MTUS2: variants seen among roughly 807,000 people sequenced by gnomAD.
The protein encoded by MTUS2 is microtubule associated scaffold protein 2.
Under a neutral mutation model 114.1 loss-of-function variants are expected in MTUS2, and 40 were observed. The observed-to-expected ratio is 0.35, with a 90% confidence interval of 0.27 to 0.46. The LOEUF is 0.46. MTUS2 is among the 20% of genes least tolerant of loss of function. MTUS2 has a pLI of 1.00. For synonymous variants in MTUS2, 688 were observed against 672.0 expected, an observed-to-expected ratio of 1.02 and a Z score of -0.37; for missense variants, 1,679 against 1,705.4, an observed-to-expected ratio of 0.98 and a Z score of 0.27.
chr13:28,954,156 C>T (rs1173497620), intron 2 of MTUS2, among the ~76,000 whole-genome samples: 1 of 152,054 alleles, frequency 6.6e-6, no homozygotes, highest in Admixed American at 6.5e-5. Context: ...AGAGTGTGTT[C>T]ATTTTTATCA....
intron 8 of MTUS2, among the ~76,000 whole-genome samples, chr13:29,436,769 A>G (rs1033077709): frequency 6.8e-6 from 1 of 147,502 alleles, no homozygotes; most frequent in South Asian, 2.2e-4. Context: ...TCTCCTTTCC[A>G]CTTCCTTGCC....
At chr13:29,089,617 A>G (rs571652622) in intron 4 of MTUS2, among the ~76,000 whole-genome samples, 2 of 152,250 alleles carry the variant, frequency 1.3e-5, no homozygotes, top group African/African-American at 2.4e-5. Flanking sequence ...GTCTCTTTAG[A>G]TAATCTTATA....
At chr13:29,282,106 GA>G (rs1262397633) in intron 6 of MTUS2, among the ~76,000 whole-genome samples, 5 of 152,236 alleles carry the variant, frequency 3.3e-5, no homozygotes, top group Non-Finnish European at 5.9e-5. Context: ...TTCCGTTTCA[GA>G]AAGCAAGAAC....
In MTUS2 at chr13:29,301,730, C is replaced by T. The variant is rs1206193464; in HGVS notation, c.2806+19865C>T. ...AATGACTGGATACACTAGTACAGTGCGTATAATCCATAGGTTTTATCTTAG... is the reference window on the plus strand; with the variant it reads ...AATGACTGGATACACTAGTACAGTGTGTATAATCCATAGGTTTTATCTTAG... On this transcript the variant is annotated intron_variant, in intron 6 of 15. Transcript: ENST00000612955. Among the ~76,000 whole-genome samples the T allele has an allele frequency of 9.2e-5, 14 of 152,286 alleles. 1 individual carries two copies. The South Asian group carries it at 2.7e-3, about 29-fold the overall frequency.
chr13:29,425,787 G>A (rs1273263156), intron 8 of MTUS2, among the ~76,000 whole-genome samples: 2 of 152,206 alleles, frequency 1.3e-5, no homozygotes, highest in Non-Finnish European at 2.9e-5. Context: ...AGGAAGGACT[G>A]GACTACGGAA....
rs1186457328 is a variant in MTUS2 at position 29,347,720 on chromosome 13, C to T, written c.2906-11542C>T. On this transcript the variant is annotated intron_variant, in intron 7 of 15. Transcript: ENST00000612955. ...AAGGGCTCAATCTCACAAGACTACC[C>T]CTCACTTTAGGTGCCAACTACAAGT... Among the ~76,000 whole-genome samples, 4 of 152,242 alleles carry T rather than the reference C, an allele frequency of 2.6e-5. No homozygotes were observed. In the South Asian group the frequency reaches 6.2e-4, roughly 24 times the overall value.
intron 5 of MTUS2, among the ~76,000 whole-genome samples, chr13:29,267,046 C>T (rs74582529): frequency 0.028 from 4,241 of 152,078 alleles, 83 homozygotes; most frequent in Non-Finnish European, 0.04. Flanking sequence ...ATGAAAGAGC[C>T]GGGGAAGAAG....
chr13:29,026,501 C>T lies in MTUS2; in HGVS notation c.1803C>T (p.Val601=), dbSNP rs1305884578. 1 of 1,613,878 alleles carries T rather than the reference C, an allele frequency of 6.2e-7. No homozygotes were observed. The highest frequency in any genetic ancestry group is 1.7e-5 in the Admixed American group (1 of 60,000). ...NTCPSGIPKP[V]FTHSKDTPSS... Reference sequence around the variant, plus strand: ...GCCCCAGTGGGATCCCCAAGCCTGTCTTCACACATTCCAAGGACACACCTT... The same window carrying T: ...GCCCCAGTGGGATCCCCAAGCCTGTTTTCACACATTCCAAGGACACACCTT... The change falls in exon 3 of 16, where the codon GTC becomes GTT. Residue 601 remains valine, a synonymous_variant. Transcript: ENST00000612955.
intron 4 of MTUS2, among the ~76,000 whole-genome samples, chr13:29,085,319 G>GT (rs1388161411): frequency 6.6e-6 from 1 of 152,194 alleles, no homozygotes; most frequent in Non-Finnish European, 1.5e-5. Flanking sequence ...GGGGGTACAT[G>GT]TGAGGTTTGT....
chr13:29,255,242 G>A (rs1444379900), intron 5 of MTUS2, among the ~76,000 whole-genome samples: 3 of 152,178 alleles, frequency 2.0e-5, no homozygotes, highest in Non-Finnish European at 4.4e-5. Flanking sequence ...GAAGGGTTCA[G>A]ATAGAGGCAT....
At chr13:29,028,773 A>G (rs1380997784) in intron 3 of MTUS2, among the ~76,000 whole-genome samples, 1 of 152,068 alleles carries the variant, frequency 6.6e-6, no homozygotes, top group Non-Finnish European at 1.5e-5. Flanking sequence ...ATTGTTTTCA[A>G]TATTTTGTTC....
At chr13:28,863,894 C>T (rs1192521038) in intron 2 of MTUS2, among the ~76,000 whole-genome samples, 1 of 152,144 alleles carries the variant, frequency 6.6e-6, no homozygotes, top group East Asian at 1.9e-4. Flanking sequence ...TAGGTTCTCA[C>T]TATGTCACCC....
At chr13:29,159,121 A>C (rs1892990350) in intron 5 of MTUS2, among the ~76,000 whole-genome samples, 1 of 152,232 alleles carries the variant, frequency 6.6e-6, no homozygotes, top group South Asian at 2.1e-4. Flanking sequence ...AGGTGGTATA[A>C]TACTAGTTTT....
At chr13:29,433,292 A>G (rs1183543546) in intron 8 of MTUS2, among the ~76,000 whole-genome samples, 1 of 152,238 alleles carries the variant, frequency 6.6e-6, no homozygotes, top group Non-Finnish European at 1.5e-5. Context: ...TTCTTCTAAT[A>G]CACGGTATGA....
chr13:29,101,016 C>T (rs779646670), intron 5 of MTUS2, 46 bp downstream of exon 5: 27 of 1,482,192 alleles, frequency 1.8e-5, no homozygotes, highest in African/African-American at 4.3e-5. Flanking sequence ...GAATTAAAAC[C>T]GGCGCGCCTG....
chr13:28,899,758 CT>C (rs1159536653), intron 2 of MTUS2, among the ~76,000 whole-genome samples: 1 of 152,098 alleles, frequency 6.6e-6, no homozygotes, highest in Non-Finnish European at 1.5e-5. Flanking sequence ...CTGTCACTTT[CT>C]TTTTTCTGTC....
In MTUS2 at chr13:29,398,919, A is replaced by G. The variant is rs542092244; in HGVS notation, c.3117+39446A>G. On this transcript the variant is annotated intron_variant, in intron 8 of 15. Transcript: ENST00000612955. Reference sequence around the variant, plus strand: ...TTTTACAAAGAGAAGTATTACAGGAAAGGGGTCTAGATCCCCAAGAACCCA... The same window carrying G: ...TTTTACAAAGAGAAGTATTACAGGAGAGGGGTCTAGATCCCCAAGAACCCA... Among the ~76,000 whole-genome samples the G allele has an allele frequency of 3.9e-5, 6 of 152,270 alleles. No homozygotes were observed. In the East Asian group the frequency reaches 1.2e-3, roughly 29 times the overall value.
chr13:29,119,176 A>C (rs539016025), intron 5 of MTUS2, among the ~76,000 whole-genome samples: 1 of 152,274 alleles, frequency 6.6e-6, no homozygotes, highest in South Asian at 2.1e-4. Flanking sequence ...GGAAATCTAA[A>C]CTCTTATGGT....
intron 2 of MTUS2, among the ~76,000 whole-genome samples, chr13:28,889,363 C>T (rs1434467111): frequency 1.3e-5 from 2 of 152,204 alleles, no homozygotes; most frequent in Admixed American, 1.3e-4. Context: ...ATTTTCTCTT[C>T]TGTGCTCGTG....
Sources: gnomAD v4.1 joint callset for allele counts (sites outside exome capture counted in the v4.1 genomes callset) on GRCh38, gnomAD v4.1.1 for gene constraint, MANE v1.5 for transcripts, NCBI Gene and HGNC (gene_info 2026-07-23, HGNC 2026-07-21) for gene names.